The following POLN variants were observed in gnomAD, a reference collection of about 807,000 sequenced individuals.
POLN encodes DNA polymerase nu, also known as DNA polymerase N.
POLN carries 108 observed loss-of-function variants against 113.5 expected under a neutral mutation model. The observed-to-expected ratio is 0.95, with a 90% CI of 0.81 to 1.12. The LOEUF (loss-of-function observed/expected upper bound fraction) is 1.12, where lower values mean the gene tolerates loss of function less well. Ranked by LOEUF, POLN falls within the 50% of genes most tolerant of loss-of-function variation. POLN has a pLI of 0.00. For synonymous variants in POLN, 386 were observed against 391.5 expected (o/e 0.99, Z 0.17); for missense variants, 1,097 against 1,077.1 (o/e 1.02, Z -0.26).
chr4:2,105,253 G>A (rs34714929), intron 19 of POLN, among the ~76,000 whole-genome samples: 7 of 152,148 alleles, frequency 4.6e-5, no homozygotes, highest in East Asian at 1.9e-4. Flanking sequence ...TCCTAATATC[G>A]CTGGAGTCTG....
intron 4 of POLN, among the ~76,000 whole-genome samples, chr4:2,211,256 T>TAATAAC (rs1733986672): frequency 1.1e-5 from 1 of 92,882 alleles, no homozygotes. Context: ...CTCCAAATAA[T>TAATAAC]AATAATAATA....
intron 16 of POLN, chr4:2,156,502 T>C (rs1732436280): frequency 1.8e-6 from 1 of 559,872 alleles, no homozygotes; most frequent in African/African-American, 1.9e-5. Context: ...GGCACAAATC[T>C]GAAAAGGAAG....
chr4:2,166,643 A>T (rs1318443303), intron 13 of POLN, among the ~76,000 whole-genome samples: 1 of 152,144 alleles, frequency 6.6e-6, no homozygotes, highest in Non-Finnish European at 1.5e-5. Flanking sequence ...AGAATGAAAA[A>T]CAGAGGAAAG....
chr4:2,189,242 G>A (rs1733372914), intron 7 of POLN, among the ~76,000 whole-genome samples: 1 of 152,144 alleles, frequency 6.6e-6, no homozygotes, highest in African/African-American at 2.4e-5. Context: ...GAATGGATAA[G>A]GAAATAAGAC....
chr4:2,240,256 C>T lies in POLN; in HGVS notation c.-13+1264G>A, dbSNP rs772608965. Reference sequence around the variant, plus strand: ...TGAAAATTGTCTTCATTTGAACTTTCAACTACTTCATGTATACCCTGAAAG... The same window carrying T: ...TGAAAATTGTCTTCATTTGAACTTTTAACTACTTCATGTATACCCTGAAAG... On this transcript the variant is annotated intron_variant, in intron 2 of 25. Coordinates refer to ENST00000511885, the MANE Select transcript of POLN (RefSeq NM_181808.4). 2.5e-6 allele frequency: 4 copies of T among 1,613,772 alleles called. No individual in the cohort carries two copies. In the South Asian group the frequency reaches 4.4e-5, roughly 18 times the overall value.
chr4:2,191,476 T>A (rs1040330634), intron 7 of POLN, among the ~76,000 whole-genome samples: 1 of 152,134 alleles, frequency 6.6e-6, no homozygotes, highest in Non-Finnish European at 1.5e-5. Flanking sequence ...TCAAAATAGC[T>A]AGTAAAGGAA....
At chr4:2,080,237 G>A (rs1192043466) in intron 23 of POLN, 2 of 987,914 alleles carry the variant, frequency 2.0e-6, no homozygotes, top group East Asian at 2.3e-4. Context: ...GGCTGGCAAG[G>A]AGGAGGTGGC....
chr4:2,188,988 A>G (rs1399146942), intron 7 of POLN, among the ~76,000 whole-genome samples: 3 of 91,368 alleles, frequency 3.3e-5, no homozygotes, highest in African/African-American at 1.0e-4. Flanking sequence ...ACAACTTGTT[A>G]TAACTATAAG....
At chr4:2,121,610 G>A (rs1702688697) in intron 19 of POLN, among the ~76,000 whole-genome samples, 1 of 151,866 alleles carries the variant, frequency 6.6e-6, no homozygotes, top group Non-Finnish European at 1.5e-5. Context: ...CAAGAAATTG[G>A]TGCATTTCTT....
intron 16 of POLN, among the ~76,000 whole-genome samples, chr4:2,143,234 G>A (rs559212886): frequency 1.5e-5 from 2 of 131,112 alleles, no homozygotes; most frequent in Admixed American, 1.7e-4. Context: ...TATGGAAATC[G>A]ATAAATTGAA....
At position 2,126,300 on chromosome 4, in the gene POLN, A is replaced by G. The variant is rs961136867; in HGVS notation, c.1982+1813T>C. ...ATTCTCAATCCTCTGCTCCCCGTATATAAAATATTTCTTCCTGAATTTTGT... is the reference window on the plus strand; with the variant it reads ...ATTCTCAATCCTCTGCTCCCCGTATGTAAAATATTTCTTCCTGAATTTTGT... On this transcript the variant is annotated intron_variant, in intron 19 of 25. Coordinates refer to ENST00000511885, the MANE Select transcript of POLN (RefSeq NM_181808.4). The surrounding 1 kb of genome is among the most constrained non-coding windows in gnomAD (Gnocchi z 4.6). 6.6e-6 allele frequency among the ~76,000 whole-genome samples: 1 copy of G among 152,224 alleles called. No individual in the cohort carries two copies. The highest frequency in any genetic ancestry group is 2.4e-5 in the African/African-American group (1 of 41,456).
intron 11 of POLN, 37 bp from the exon 12 acceptor site, chr4:2,171,218 G>C: frequency 6.4e-7 from 1 of 1,550,926 alleles, no homozygotes; most frequent in Non-Finnish European, 8.8e-7. Flanking sequence ...TTCATTCATA[G>C]TTTTCACAAT....
intron 16 of POLN, among the ~76,000 whole-genome samples, chr4:2,154,041 CA>C (rs1561046444): frequency 1.3e-5 from 2 of 150,222 alleles, no homozygotes; most frequent in Non-Finnish European, 1.5e-5. Flanking sequence ...ACTAAGAATA[CA>C]AAAAAATTAG....
intron 23 of POLN, 194 bp downstream of exon 23, chr4:2,080,764 T>C: frequency 6.9e-7 from 1 of 1,456,182 alleles, no homozygotes; most frequent in Non-Finnish European, 9.0e-7. Flanking sequence ...CACCCCACGC[T>C]GGTGGATGGC....
At chr4:2,157,424 T>A (rs1437423505) in intron 15 of POLN, among the ~76,000 whole-genome samples, 1 of 152,128 alleles carries the variant, frequency 6.6e-6, no homozygotes, top group African/African-American at 2.4e-5. Flanking sequence ...GCTCATAGTT[T>A]CAAGAATATT....
At chr4:2,240,854 A>G in intron 2 of POLN, 1 of 1,613,170 alleles carries the variant, frequency 6.2e-7, no homozygotes, top group Non-Finnish European at 8.5e-7. Flanking sequence ...CAACGCCCTC[A>G]AACAACCAGT....
intron 19 of POLN, among the ~76,000 whole-genome samples, chr4:2,109,710 G>C (rs1307412252): frequency 1.3e-5 from 2 of 152,052 alleles, no homozygotes; most frequent in Non-Finnish European, 2.9e-5. Flanking sequence ...CTTATGCCTA[G>C]TGTTTGCATG....
intron 16 of POLN, among the ~76,000 whole-genome samples, chr4:2,155,319 G>A (rs1426497439): frequency 1.3e-5 from 2 of 152,118 alleles, no homozygotes; most frequent in Non-Finnish European, 2.9e-5. Context: ...ACCACTCTTC[G>A]CTAGATAAAG....
chr4:2,082,395 G>A (rs1730442126), intron 21 of POLN, among the ~76,000 whole-genome samples: 1 of 152,190 alleles, frequency 6.6e-6, no homozygotes. Context: ...GGATGGAGGA[G>A]AAAGTGGTCA....
Sources: gnomAD v4.1 joint callset for allele counts (sites outside exome capture counted in the v4.1 genomes callset) on GRCh38, gnomAD v4.1.1 for gene constraint, Gnocchi (gnomAD v3.1) non-coding constraint, MANE v1.5 for transcripts, NCBI Gene and HGNC (gene_info 2026-07-23, HGNC 2026-07-21) for gene names.